Variants in DHRS7 observed in about 807,000 individuals in gnomAD.
DHRS7 encodes the protein dehydrogenase/reductase 7.
DHRS7 carries 34 observed loss-of-function variants against 38.9 expected under a neutral mutation model. The ratio of observed to expected loss-of-function variants is 0.87; its 90% confidence interval spans 0.66 to 1.16. The LOEUF is 1.16. Ranked by LOEUF, DHRS7 falls within the 50% of genes most tolerant of loss-of-function variation. The probability of loss-of-function intolerance (pLI) is 0.00; values close to 1 mark genes in which losing one functional copy is unlikely to be tolerated. For missense variants in DHRS7, 421 were observed against 407.0 expected (o/e 1.03, Z -0.30); for synonymous variants, 158 against 153.1 (o/e 1.03, Z -0.24).
At chr14:60,158,323 T>G (rs1296395301) in intron 1 of DHRS7, among the ~76,000 whole-genome samples, 1 of 151,832 alleles carries the variant, frequency 6.6e-6, no homozygotes. Context: ...TCATATAACG[T>G]ACTTTTGTGA....
chr14:60,145,769 G>A lies in DHRS7; in HGVS notation c.973-756C>T, dbSNP rs1419970486. ...AACCTGATAATCCCCAAGATGTGAT[G>A]TTTCTTTTCAGAAGATATGCATTTA... is the stretch of plus-strand genomic sequence containing the variant. On this transcript the variant is annotated intron_variant, in intron 6 of 6. Transcript: ENST00000557185. The surrounding 1 kb of genome is among the most constrained non-coding windows in gnomAD (Gnocchi z 4.0). 6.6e-6 allele frequency: 1 copy of A among 152,066 alleles called. No homozygotes were observed. The highest frequency in any genetic ancestry group is 1.5e-5 in the Non-Finnish European group (1 of 68,000). 9.4% of individuals were successfully genotyped at this position (152,066 alleles called of 1,614,324 possible).
chr14:60,159,519 A>G (rs1167628191), intron 1 of DHRS7, among the ~76,000 whole-genome samples: 1 of 152,264 alleles, frequency 6.6e-6, no homozygotes, highest in African/African-American at 2.4e-5. Flanking sequence ...GTCTATGAGA[A>G]TGTGCAAATG....
upstream of DHRS7, chr14:60,169,032 G>GTCTC: frequency 4.5e-6 from 1 of 224,046 alleles, no homozygotes; most frequent in African/African-American, 2.3e-5. Flanking sequence ...CTGGAAGGCA[G>GTCTC]AAGTTGCAGT....
At chr14:60,165,499 G>C (rs1465867888), upstream of DHRS7, 45 of 1,309,136 alleles carry the variant, frequency 3.4e-5, no homozygotes, top group South Asian at 4.3e-5. The surrounding 1 kb of genome is among the most constrained non-coding windows in gnomAD (Gnocchi z 4.6). Flanking sequence ...CCCCACTCGC[G>C]GTCCTTGGGC....
intron 1 of DHRS7, among the ~76,000 whole-genome samples, chr14:60,156,611 A>G (rs761957699): frequency 3.3e-5 from 5 of 152,218 alleles, no homozygotes; most frequent in Admixed American, 6.5e-5. Context: ...TTTTAATTCT[A>G]TTATTCTAAT....
upstream of DHRS7, chr14:60,165,634 G>C: frequency 1.8e-6 from 2 of 1,108,938 alleles, no homozygotes; most frequent in Non-Finnish European, 2.2e-6. The surrounding 1 kb of genome is among the most constrained non-coding windows in gnomAD (Gnocchi z 4.6). Context: ...TAAAATTCCA[G>C]TATTTTTAAA....
chr14:60,156,487 T>C (rs1896663494), intron 1 of DHRS7, among the ~76,000 whole-genome samples: 1 of 152,196 alleles, frequency 6.6e-6, no homozygotes, highest in African/African-American at 2.4e-5. Context: ...AAGATAAATA[T>C]GATAGATAAG....
In DHRS7 at chr14:60,145,337, CAAT is replaced by C. The variant is rs781364736; in HGVS notation, c.973-327_973-325del. ...ACTGACTTGCCCTAATAAATAAAAA[CAAT>C]GAGTCAGATTATGTAGAATTGAGAT... On this transcript the variant is annotated intron_variant, in intron 6 of 6. Coordinates refer to ENST00000557185, the MANE Select transcript of DHRS7 (RefSeq NM_016029.4). The surrounding 1 kb of genome is among the most constrained non-coding windows in gnomAD (Gnocchi z 4.0). 1 of 181,780 alleles carries C rather than the reference CAAT, an allele frequency of 5.5e-6. No homozygotes were observed. The highest frequency in any genetic ancestry group is 1.1e-5 in the Non-Finnish European group (1 of 88,324). The allele number at this position is 181,780 out of a possible 1,614,324, so 11.3% of individuals were successfully genotyped here.
At chr14:60,166,231 T>C (rs1162721765), upstream of DHRS7, 1 of 985,358 alleles carries the variant, frequency 1.0e-6, no homozygotes, top group Non-Finnish European at 1.2e-6. Flanking sequence ...TAGTAGCATC[T>C]TTCTTGTTTT....
upstream of DHRS7, among the ~76,000 whole-genome samples, chr14:60,168,454 A>C (rs1566539145): frequency 6.6e-6 from 1 of 152,318 alleles, no homozygotes; most frequent in Non-Finnish European, 1.5e-5. Context: ...GATTTTGCCA[A>C]TACCAATTCC....
chr14:60,149,092 C>T (rs1298527547), intron 6 of DHRS7: 2 of 433,450 alleles, frequency 4.6e-6, no homozygotes, highest in Non-Finnish European at 8.4e-6. Context: ...CATGCCTCAG[C>T]CTCCCGAGTA....
rs188075578 is a variant in DHRS7 at position 60,161,155 on chromosome 14, C to G, written c.133+4022G>C. On this transcript the variant is annotated intron_variant, in intron 1 of 6. Transcript: ENST00000557185. The surrounding 1 kb of genome is among the most constrained non-coding windows in gnomAD (Gnocchi z 4.2). ...TCACTTTTAACAATTTTTTAAAATT[C>G]AGTTTGTAGACTCCATTTGTTAAGG... Among the ~76,000 whole-genome samples, 5 of 152,170 alleles carry G rather than the reference C, an allele frequency of 3.3e-5. No individual in the cohort carries two copies. Among genetic ancestry groups the G allele is most frequent in the Admixed American group, 3.3e-4 (5 of 15,284 alleles).
At position 60,149,552 on chromosome 14, in the gene DHRS7, C is replaced by A; in HGVS notation, c.773G>T (p.Gly258Val). Reference protein sequence around the residue: ...GEVTKTIGNNGDQSHKMTTSR... With the variant: ...GEVTKTIGNNVDQSHKMTTSR... Reference sequence around the variant, plus strand: ...GGTTGTCATCTTGTGGGACTGGTCTCCATTATTGCCTATAGTCTAAGAAAA... The same window carrying A: ...GGTTGTCATCTTGTGGGACTGGTCTACATTATTGCCTATAGTCTAAGAAAA... The change falls in exon 6 of 7, where the codon GGA becomes GTA. Residue 258 changes from glycine to valine, a missense_variant. Physicochemically the swap from Gly to Val is moderately radical, Grantham distance 109. Transcript: ENST00000557185. The A allele has an allele frequency of 6.2e-7, 1 of 1,610,136 alleles. No individual in the cohort carries two copies. The highest frequency in any genetic ancestry group is 8.5e-7 in the Non-Finnish European group (1 of 1,177,654).
At chr14:60,168,437 GTC>G, upstream of DHRS7, among the ~76,000 whole-genome samples, 1 of 152,142 alleles carries the variant, frequency 6.6e-6, no homozygotes, top group Admixed American at 6.5e-5. Context: ...TTTGAACGAG[GTC>G]TGTGGATTTT....
chr14:60,147,586 A>G (rs1241123297), intron 6 of DHRS7: 1 of 152,162 alleles, frequency 6.6e-6, no homozygotes, highest in Non-Finnish European at 1.5e-5. Context: ...GAGAAGGGGG[A>G]AAAAGCACAA....
chr14:60,168,790 C>A (rs1291396951), upstream of DHRS7: 1 of 1,535,220 alleles, frequency 6.5e-7, no homozygotes, highest in African/African-American at 1.4e-5. Context: ...CATACTCCAT[C>A]CCATTGGCTT....
Position 60,165,330 on chromosome 14 carries a change from TC to T in DHRS7, c.-22del. 1 of 1,563,554 alleles carries T rather than the reference TC, an allele frequency of 6.4e-7. No individual in the cohort carries two copies. Among genetic ancestry groups the T allele is most frequent in the African/African-American group, 1.3e-5 (1 of 74,214 alleles). On this transcript the variant is annotated 5_prime_UTR_variant, in exon 1 of 7. Coordinates refer to ENST00000557185, the MANE Select transcript of DHRS7 (RefSeq NM_016029.4). This position sits in a 1 kb window ranked among gnomAD's most constrained non-coding sequence, Gnocchi z 4.6. Reference sequence around the variant, plus strand: ...TTCATTGCGGCCGCGCACGCCCAGCTCGGGGGGAAGAAGACGGCCCGCACCA... The same window carrying T: ...TTCATTGCGGCCGCGCACGCCCAGCTGGGGGGAAGAAGACGGCCCGCACCA...
intron 6 of DHRS7, chr14:60,149,057 C>A (rs978100883): frequency 1.1e-4 from 41 of 367,224 alleles, no homozygotes; most frequent in African/African-American, 8.4e-4. Context: ...ACTGCAACCT[C>A]CGCCTCCTCG....
rs1896408305 is a variant in DHRS7, at chr14:60,146,431, T to G, written c.973-1418A>C. The G allele has an allele frequency of 6.6e-6, 1 of 152,156 alleles. No homozygotes were observed. Among genetic ancestry groups the G allele is most frequent in the Admixed American group, 6.5e-5 (1 of 15,282 alleles). The allele number at this position is 152,156 out of a possible 1,614,324, so 9.4% of individuals were successfully genotyped here. A position where few individuals can be genotyped will look rare whatever the true frequency, so the allele number is the denominator to read the frequency against. On this transcript the variant is annotated intron_variant, in intron 6 of 6. Transcript: ENST00000557185. This position sits in a 1 kb window ranked among gnomAD's most constrained non-coding sequence, Gnocchi z 4.9. The stretch of plus-strand genomic sequence containing the variant: ...TATATTCTTTCTCTGCCCTATTATT[T>G]AAATTGAGAATGTGAACCAGTACAG...
Sources: gnomAD v4.1 joint callset for allele counts (sites outside exome capture counted in the v4.1 genomes callset) on GRCh38, gnomAD v4.1.1 for gene constraint, Gnocchi (gnomAD v3.1) non-coding constraint, MANE v1.5 for transcripts, NCBI Gene and HGNC (gene_info 2026-07-23, HGNC 2026-07-21) for gene names.